The following ARHGAP18 variants were observed in gnomAD, a reference collection of about 807,000 sequenced individuals.
ARHGAP18 encodes Rho GTPase activating protein 18, also known as rho GTPase-activating protein 18.
ARHGAP18 carries 67 observed loss-of-function variants against 86.2 expected under a neutral mutation model. That is an observed-to-expected ratio of 0.78 (90% CI 0.64 to 0.95). The LOEUF (loss-of-function observed/expected upper bound fraction) is 0.95. Among genes scored for constraint, ARHGAP18 ranks in the 40% least tolerant of loss-of-function variants. The pLI is 0.00. For synonymous variants in ARHGAP18, 283 were observed against 280.4 expected (o/e 1.01, Z -0.09); for missense variants, 691 against 780.4 (o/e 0.89, Z 1.37).
At chr6:129,662,907 T>G (rs973454427) in intron 1 of ARHGAP18, among the ~76,000 whole-genome samples, 4 of 152,194 alleles carry the variant, frequency 2.6e-5, no homozygotes, top group Non-Finnish European at 5.9e-5. Flanking sequence ...GCATTTGAAA[T>G]GTAAATGTTA....
At chr6:129,691,045 G>T (rs1219676282) in intron 1 of ARHGAP18, among the ~76,000 whole-genome samples, 3 of 152,130 alleles carry the variant, frequency 2.0e-5, no homozygotes, top group Non-Finnish European at 4.4e-5. Flanking sequence ...GATCCTTTGA[G>T]TAATACAATG....
intron 12 of ARHGAP18, among the ~76,000 whole-genome samples, chr6:129,598,165 A>G (rs1476610878): frequency 6.6e-6 from 1 of 152,136 alleles, no homozygotes; most frequent in African/African-American, 2.4e-5. Context: ...AAATGCCAAA[A>G]AAAAAGGCTT....
chr6:129,625,165 T>TTATATGTAATATATATGATATATG (rs1789345769), intron 5 of ARHGAP18, among the ~76,000 whole-genome samples: 1 of 51,490 alleles, frequency 1.9e-5, no homozygotes, highest in African/African-American at 9.4e-5. Context: ...AGATATATAT[T>TTATATGTAATATATATGATATATG]ATATATGATA....
chr6:129,669,410 A>G (rs1774102741), intron 1 of ARHGAP18, among the ~76,000 whole-genome samples: 1 of 151,350 alleles, frequency 6.6e-6, no homozygotes, highest in Admixed American at 6.6e-5. Context: ...CTGATCTTGT[A>G]ATCCGCCCAC....
In ARHGAP18 at chr6:129,603,268, T is replaced by A. The variant is rs1423796154; in HGVS notation, c.1366-2420A>T. ...ATTTGGTTTCTCATTCCTGCTTTAC[T>A]TCACTTAGAATAATGGCTTCCGGTT... On this transcript the variant is annotated intron_variant, in intron 10 of 14. Coordinates refer to ENST00000368149, the MANE Select transcript of ARHGAP18 (RefSeq NM_033515.3). Among the ~76,000 whole-genome samples, 3 of 152,192 alleles carry A rather than the reference T, an allele frequency of 2.0e-5. No individual in the cohort carries two copies. The East Asian group carries it at 5.8e-4, about 29-fold the overall frequency.
chr6:129,608,039 T>C lies in ARHGAP18; in HGVS notation c.1136A>G (p.Glu379Gly). 6.4e-7 allele frequency: 1 copy of C among 1,550,856 alleles called. No homozygotes were observed. The highest frequency in any genetic ancestry group is 8.8e-7 in the Non-Finnish European group (1 of 1,138,002). ...AAIRIKNLCQ[E>G]LEAKFYEGTF... is the part of the protein sequence containing the mutation. ...CCCTTCATAAAACTTTGCTTCTAGT[T>C]CTTGGCAAAGATTCTGATAGGCACG... The change falls in exon 9 of 15, where the codon GAA becomes GGA. Residue 379 changes from glutamate to glycine, a missense_variant. Physicochemically the swap from Glu to Gly is moderately conservative, Grantham distance 98. Transcript: ENST00000368149.
chr6:129,582,376 G>C (rs1156734467), intron 13 of ARHGAP18, among the ~76,000 whole-genome samples: 1 of 152,152 alleles, frequency 6.6e-6, no homozygotes, highest in Non-Finnish European at 1.5e-5. Context: ...CAAAAGTACA[G>C]ACTAAATTGA....
chr6:129,698,232 C>T (rs898790389), intron 1 of ARHGAP18, among the ~76,000 whole-genome samples: 7 of 152,158 alleles, frequency 4.6e-5, no homozygotes, highest in African/African-American at 1.7e-4. Flanking sequence ...AAGACCTTCA[C>T]TGTTGTTTAA....
At chr6:129,705,527 C>A (rs141478322) in intron 1 of ARHGAP18, among the ~76,000 whole-genome samples, 1 of 152,256 alleles carries the variant, frequency 6.6e-6, no homozygotes, top group Admixed American at 6.5e-5. Context: ...TTTCCAAGGT[C>A]TTTCAAACTT....
chr6:129,597,239 C>A (rs113959025), intron 12 of ARHGAP18, among the ~76,000 whole-genome samples: 1 of 151,426 alleles, frequency 6.6e-6, no homozygotes, highest in Non-Finnish European at 1.5e-5. Context: ...CAGGTTCAAG[C>A]GATTCTCCTG....
intron 5 of ARHGAP18, among the ~76,000 whole-genome samples, chr6:129,624,856 A>G: frequency 6.7e-6 from 1 of 149,194 alleles, no homozygotes; most frequent in East Asian, 2.0e-4. Flanking sequence ...GAGGCAGGAG[A>G]ATTGCTTGTA....
intron 1 of ARHGAP18, among the ~76,000 whole-genome samples, chr6:129,658,596 T>C (rs917402713): frequency 1.3e-5 from 2 of 152,192 alleles, no homozygotes; most frequent in Non-Finnish European, 2.9e-5. Context: ...CGCTAAAATT[T>C]TTCACTTTCC....
intron 7 of ARHGAP18, among the ~76,000 whole-genome samples, chr6:129,615,395 C>T (rs1184021066): frequency 6.6e-6 from 1 of 152,106 alleles, no homozygotes; most frequent in Non-Finnish European, 1.5e-5. Flanking sequence ...GGGAAAAAAG[C>T]ACCAAAGGTT....
intron 1 of ARHGAP18, among the ~76,000 whole-genome samples, chr6:129,675,118 T>C (rs1774207379): frequency 6.6e-6 from 1 of 152,128 alleles, no homozygotes; most frequent in Non-Finnish European, 1.5e-5. Context: ...GCCATTCCAA[T>C]GTGTCAGTTG....
intron 5 of ARHGAP18, among the ~76,000 whole-genome samples, chr6:129,620,688 T>C (rs1022698581): frequency 6.6e-6 from 1 of 152,220 alleles, no homozygotes; most frequent in African/African-American, 2.4e-5. Flanking sequence ...TTCCCTTTGC[T>C]TTGGTACTTC....
chr6:129,652,307 A>G (rs1026824150), intron 1 of ARHGAP18, among the ~76,000 whole-genome samples: 4 of 152,222 alleles, frequency 2.6e-5, no homozygotes, highest in African/African-American at 9.6e-5. Context: ...GCAATCATGT[A>G]GCTTCAGAGG....
chr6:129,658,767 C>T (rs903181976), intron 1 of ARHGAP18, among the ~76,000 whole-genome samples: 5 of 150,206 alleles, frequency 3.3e-5, no homozygotes, highest in Non-Finnish European at 7.3e-5. Flanking sequence ...ACTGAGTTCA[C>T]TGGTAGAGTC....
intron 1 of ARHGAP18, among the ~76,000 whole-genome samples, chr6:129,700,507 C>T (rs1294650049): frequency 2.0e-5 from 3 of 152,190 alleles, no homozygotes; most frequent in Non-Finnish European, 2.9e-5. Flanking sequence ...ACTTATCCCA[C>T]TATTAGTTTT....
In ARHGAP18 at chr6:129,638,677, C is replaced by T. The variant is rs776141147; in HGVS notation, c.317-48G>A. 1.4e-5 allele frequency: 22 copies of T among 1,530,866 alleles called. No homozygotes were observed. In the South Asian group the frequency reaches 2.6e-4, roughly 18 times the overall value. The allele number at this position is 1,530,866 out of a possible 1,614,324, so 94.8% of individuals were successfully genotyped here. Reference sequence around the variant, plus strand: ...TACTTAAATCACAAAATATAACAACCTTTACATTTTTTAAGCTGTTAAAAA... The same window carrying T: ...TACTTAAATCACAAAATATAACAACTTTTACATTTTTTAAGCTGTTAAAAA... On this transcript the variant is annotated intron_variant, in intron 2 of 14. Transcript: ENST00000368149.
Sources: allele counts gnomAD v4.1 joint callset (sites outside exome capture counted in the v4.1 genomes callset), GRCh38; gene constraint gnomAD v4.1.1; transcripts MANE v1.5; gene names NCBI Gene and HGNC (gene_info 2026-07-23, HGNC 2026-07-21).